UPRT: variants seen among roughly 807,000 people sequenced by gnomAD.
UPRT encodes uracil phosphoribosyltransferase homolog.
In UPRT, 5 loss-of-function variants were observed where a neutral mutation model predicts 22.6. The observed-to-expected ratio is 0.22, with a 90% CI of 0.12 to 0.47. The LOEUF is 0.47. Ranked by LOEUF, UPRT falls within the 20% of genes least tolerant of loss-of-function variation. The pLI, the probability that UPRT is intolerant of heterozygous loss-of-function variation, is 0.99. For synonymous variants in UPRT, 77 were observed against 87.7 expected, an observed-to-expected ratio of 0.88 and a Z score of 0.68; for missense variants, 181 against 239.9, an observed-to-expected ratio of 0.75 and a Z score of 1.62.
At chrX:75,290,894 C>G (rs924228399) in intron 1 of UPRT, among the ~76,000 whole-genome samples, 17 of 110,709 alleles carry the variant, frequency 1.5e-4, no homozygotes, top group African/African-American at 5.3e-4. Flanking sequence ...CAAACCTCAG[C>G]ATCATGCAAT....
At chrX:75,248,584 TGGTGTACCTGAAA>T (rs2082515808) in intron 4 of UPRT, among the ~76,000 whole-genome samples, 2 of 111,998 alleles carry the variant, frequency 1.8e-5, no homozygotes, top group African/African-American at 6.5e-5. Context: ...TACGTCTGAT[TGGTGTACCTGAAA>T]GTGACGGGGA....
At chrX:75,244,903 A>G (rs976593446) in intron 4 of UPRT, among the ~76,000 whole-genome samples, 2 of 111,827 alleles carry the variant, frequency 1.8e-5, no homozygotes, top group South Asian at 3.7e-4. Flanking sequence ...AGCAATTTCA[A>G]TAAACACAAA....
At chrX:75,202,233 G>A (rs1432652667) in intron 4 of UPRT, among the ~76,000 whole-genome samples, 2 of 111,168 alleles carry the variant, frequency 1.8e-5, no homozygotes, top group Non-Finnish European at 3.8e-5. Context: ...TAGAAGGGAA[G>A]GGAGGGAGAT....
chrX:75,193,005 A>G (rs2082320992), intron 4 of UPRT, among the ~76,000 whole-genome samples: 2 of 111,942 alleles, frequency 1.8e-5, no homozygotes, highest in Admixed American at 1.9e-4. Context: ...TGATTCTGTC[A>G]TCATATTGTT....
chrX:75,292,199 G>C (rs910639251), intron 1 of UPRT, among the ~76,000 whole-genome samples: 7 of 111,741 alleles, frequency 6.3e-5, no homozygotes, highest in Admixed American at 1.9e-4. Flanking sequence ...GTAGGTTTCA[G>C]TATTTTTTGC....
intron 4 of UPRT, among the ~76,000 whole-genome samples, chrX:75,212,112 A>C (rs2082381805): frequency 8.9e-6 from 1 of 112,124 alleles, no homozygotes; most frequent in Admixed American, 9.5e-5. Flanking sequence ...ACTACCATGG[A>C]ATGTTTCACT....
chrX:75,289,958 A>G (rs1288920637), intron 1 of UPRT, among the ~76,000 whole-genome samples: 2 of 111,970 alleles, frequency 1.8e-5, no homozygotes, highest in Non-Finnish European at 3.8e-5. Context: ...AGTGAGACCT[A>G]ATTAAACTAA....
At chrX:75,165,047 T>C (rs2082209413) in intron 3 of UPRT, among the ~76,000 whole-genome samples, 1 of 98,901 alleles carries the variant, frequency 1.0e-5, no homozygotes, top group Non-Finnish European at 2.0e-5. Flanking sequence ...ACTTAATCCT[T>C]TTTTTTTTTT....
Position 75,304,747 on chromosome X carries a change from G to A in UPRT, c.*1236G>A, listed in dbSNP as rs1339135520. On this transcript the variant is annotated 3_prime_UTR_variant, in exon 7 of 7. Transcript: ENST00000373383. The stretch of plus-strand genomic sequence containing the variant: ...GAAATCAGCAAAGATTGGGGGAAAG[G>A]AAGGAAGCCTGGTGTAGATTGGATT... 8.9e-6 allele frequency: 1 copy of A among 112,101 alleles called. No homozygotes were observed. Among genetic ancestry groups the A allele is most frequent in the African/African-American group, 3.2e-5 (1 of 30,854 alleles). 9.2% of individuals were successfully genotyped at this position (112,101 alleles called of 1,213,427 possible). A position where few individuals can be genotyped will look rare whatever the true frequency, so the allele number is the denominator to read the frequency against.
In UPRT at chrX:75,303,664, A is replaced by G. The variant is rs12014867; in HGVS notation, c.*153A>G. On this transcript the variant is annotated 3_prime_UTR_variant, in exon 7 of 7. Transcript: ENST00000373383. ...GTATATTTGAGGTTATATCTCATTT[A>G]GTTATTTGTTTACTGTTGGCACCGA... The G allele has an allele frequency of 2.7e-3, 1,128 of 413,255 alleles. 19 individuals are homozygous for G. The highest frequency in any genetic ancestry group is 0.025 in the African/African-American group (983 of 38,677). The allele number at this position is 413,255 out of a possible 1,213,427, so 34.1% of individuals were successfully genotyped here.
chrX:75,214,580 A>C (rs775737539), intron 4 of UPRT, among the ~76,000 whole-genome samples: 3 of 112,481 alleles, frequency 2.7e-5, no homozygotes, highest in African/African-American at 9.7e-5. Flanking sequence ...TATATTGTAC[A>C]GCATAGAGCC....
At chrX:75,278,675 A>G (rs982451859) in intron 1 of UPRT, among the ~76,000 whole-genome samples, 1 of 111,899 alleles carries the variant, frequency 8.9e-6, no homozygotes. Context: ...GTTTCCTGAA[A>G]CATTAAAGCT....
intron 4 of UPRT, among the ~76,000 whole-genome samples, chrX:75,173,742 C>T (rs1224101766): frequency 1.8e-5 from 2 of 111,835 alleles, no homozygotes; most frequent in Non-Finnish European, 1.9e-5. Flanking sequence ...AGCCCTGCCC[C>T]GCGGGAAGGC....
intron 4 of UPRT, among the ~76,000 whole-genome samples, chrX:75,298,873 C>G (rs1234251287): frequency 8.9e-6 from 1 of 112,130 alleles, no homozygotes; most frequent in East Asian, 2.8e-4. Flanking sequence ...TACTAGATGA[C>G]TTGTGGTGAT....
Position 75,250,414 on chromosome X carries a change from G to C in UPRT, c.-446-40610G>C, listed in dbSNP as rs775303423. The stretch of plus-strand genomic sequence containing the variant: ...ATCCCACAGAAATACAAACTACCAT[G>C]AAAGAATACTATAAACACCTCTATG... On this transcript the variant is annotated intron_variant, in intron 4 of 13. Transcript: ENST00000652605. Among the ~76,000 whole-genome samples the C allele has an allele frequency of 2.0e-4, 22 of 111,053 alleles. 1 individual carries two copies. The East Asian group carries it at 5.4e-3, about 27-fold the overall frequency.
At chrX:75,290,494 TTGTA>T (rs1202535006) in intron 1 of UPRT, among the ~76,000 whole-genome samples, 1 of 111,838 alleles carries the variant, frequency 8.9e-6, no homozygotes, top group Non-Finnish European at 1.9e-5. Context: ...CCACACGCAC[TTGTA>T]TGTTCATCAC....
At chrX:75,272,285 T>TAC (rs1183895589), upstream of UPRT, among the ~76,000 whole-genome samples, 80 of 94,613 alleles carry the variant, frequency 8.5e-4, no homozygotes, top group Admixed American at 1.2e-3. Flanking sequence ...TATATATATA[T>TAC]ACACATATAT....
chrX:75,178,617 C>G (rs1242037417), intron 4 of UPRT, among the ~76,000 whole-genome samples: 3 of 110,321 alleles, frequency 2.7e-5, no homozygotes, highest in Non-Finnish European at 5.7e-5. Context: ...CGTGGTCTCA[C>G]TGGCTCAGGA....
chrX:75,185,784 T>C (rs1277125622), intron 4 of UPRT, among the ~76,000 whole-genome samples: 1 of 112,117 alleles, frequency 8.9e-6, no homozygotes, highest in Non-Finnish European at 1.9e-5. Context: ...ATCCATTTCT[T>C]CTAGATTTTC....
Sources: allele counts gnomAD v4.1 joint callset (sites outside exome capture counted in the v4.1 genomes callset), GRCh38; gene constraint gnomAD v4.1.1; transcripts MANE v1.5; gene names NCBI Gene and HGNC (gene_info 2026-07-23, HGNC 2026-07-21).